The following CNTNAP2 variants were observed in gnomAD, a reference collection of about 807,000 sequenced individuals.
CNTNAP2 encodes contactin associated protein 2.
A neutral mutation model predicts 155.2 loss-of-function variants in CNTNAP2; 98 were observed. The ratio of observed to expected loss-of-function variants is 0.63; its 90% CI spans 0.54 to 0.75. CNTNAP2 has a LOEUF of 0.75. Ranked by LOEUF, CNTNAP2 falls within the 30% of genes least tolerant of loss-of-function variation. CNTNAP2 has a pLI of 0.00. For missense variants in CNTNAP2, 1,727 were observed against 1,688.1 expected (o/e 1.02, Z -0.40); for synonymous variants, 651 against 631.2 (o/e 1.03, Z -0.47).
At chr7:148,178,388 A>T (rs1794982658) in intron 18 of CNTNAP2, among the ~76,000 whole-genome samples, 2 of 152,220 alleles carry the variant, frequency 1.3e-5, no homozygotes, top group African/African-American at 4.8e-5. Context: ...AAGTCACAGG[A>T]TTACTGAGTG....
At chr7:146,499,844 A>G (rs1797274722) in intron 1 of CNTNAP2, among the ~76,000 whole-genome samples, 1 of 152,176 alleles carries the variant, frequency 6.6e-6, no homozygotes, top group South Asian at 2.1e-4. Context: ...TACAATCCAT[A>G]AACACTGAAT....
At chr7:146,484,750 A>G (rs1476367971) in intron 1 of CNTNAP2, among the ~76,000 whole-genome samples, 5 of 152,164 alleles carry the variant, frequency 3.3e-5, no homozygotes, top group Non-Finnish European at 7.3e-5. Context: ...TTATTGCTAC[A>G]CCCCATGATT....
chr7:148,366,096 A>G lies in CNTNAP2; in HGVS notation c.3476-17553A>G, dbSNP rs551253849. Among the ~76,000 whole-genome samples the G allele has an allele frequency of 1.4e-3, 35 of 25,886 alleles. 17 individuals are homozygous for G. The highest frequency in any genetic ancestry group is 2.8e-3 in the African/African-American group (35 of 12,352). The allele number at this position is 25,886 out of a possible 152,430, so 17.0% of individuals were successfully genotyped here. ...TGTATGTGTGTGCATGTATACATGT[A>G]TGTGTATGCATGTATGCATGTATGT... On this transcript the variant is annotated intron_variant, in intron 21 of 23. Transcript: ENST00000361727.
chr7:147,661,319 T>C (rs796661203), intron 13 of CNTNAP2, among the ~76,000 whole-genome samples: 1 of 152,298 alleles, frequency 6.6e-6, no homozygotes, highest in South Asian at 2.1e-4. Context: ...TGCATTTTTA[T>C]TTCTGAAAAT....
chr7:146,762,165 GAA>G (rs1390511607), intron 1 of CNTNAP2, among the ~76,000 whole-genome samples: 2 of 152,108 alleles, frequency 1.3e-5, no homozygotes, highest in African/African-American at 4.8e-5. Flanking sequence ...CCCTTATATA[GAA>G]ATTTTAATAG....
At chr7:147,439,559 C>T (rs942180400) in intron 10 of CNTNAP2, among the ~76,000 whole-genome samples, 6 of 151,664 alleles carry the variant, frequency 4.0e-5, no homozygotes, top group African/African-American at 9.7e-5. Context: ...ATTCTGTAGC[C>T]GTTGGATGAA....
rs554496503 is a variant in CNTNAP2 at position 147,163,214 on chromosome 7, C to T, written c.1348+30705C>T. Among the ~76,000 whole-genome samples the T allele has an allele frequency of 6.6e-5, 10 of 152,182 alleles. No homozygotes were observed. The South Asian group carries it at 1.9e-3, about 28-fold the overall frequency. On this transcript the variant is annotated intron_variant, in intron 8 of 23. Coordinates refer to ENST00000361727, the MANE Select transcript of CNTNAP2 (RefSeq NM_014141.6). ...AGACAGAGGACAATGAGTCTCATGT[C>T]AGAAAACTCAGAAAGGAATGGATGG...
intron 1 of CNTNAP2, among the ~76,000 whole-genome samples, chr7:146,219,363 A>G (rs1403500761): frequency 1.3e-5 from 2 of 152,228 alleles, no homozygotes; most frequent in Non-Finnish European, 2.9e-5. Context: ...TACGATTAAT[A>G]ACATAAAAAT....
At chr7:147,257,397 G>C (rs1402531000) in intron 8 of CNTNAP2, among the ~76,000 whole-genome samples, 1 of 152,182 alleles carries the variant, frequency 6.6e-6, no homozygotes, top group African/African-American at 2.4e-5. Flanking sequence ...AATCTAATCA[G>C]ATAACCTAGG....
intron 13 of CNTNAP2, among the ~76,000 whole-genome samples, chr7:147,865,389 T>C (rs1372837387): frequency 6.6e-6 from 1 of 152,110 alleles, no homozygotes; most frequent in Non-Finnish European, 1.5e-5. Flanking sequence ...TAAAATTCTC[T>C]TTTTTTGTTG....
chr7:147,047,050 A>T (rs544207980), intron 4 of CNTNAP2, among the ~76,000 whole-genome samples: 5 of 147,912 alleles, frequency 3.4e-5, no homozygotes, highest in African/African-American at 1.2e-4. Flanking sequence ...AAAAAAAAAA[A>T]GTGTAGCCAT....
At chr7:148,095,505 G>A (rs1803945853) in intron 15 of CNTNAP2, among the ~76,000 whole-genome samples, 1 of 152,228 alleles carries the variant, frequency 6.6e-6, no homozygotes, top group African/African-American at 2.4e-5. Context: ...CAGAGCTTCT[G>A]TAGAAAAGAT....
At chr7:147,415,445 T>A (rs776801771) in intron 10 of CNTNAP2, among the ~76,000 whole-genome samples, 6 of 152,208 alleles carry the variant, frequency 3.9e-5, no homozygotes, top group Non-Finnish European at 7.3e-5. Flanking sequence ...CATGCTGTTC[T>A]TGATAGTGAG....
chr7:148,279,939 G>A (rs1796942417), intron 21 of CNTNAP2, among the ~76,000 whole-genome samples: 1 of 152,150 alleles, frequency 6.6e-6, no homozygotes, highest in African/African-American at 2.4e-5. Context: ...TTACAATTGA[G>A]GACAGATTAG....
intron 8 of CNTNAP2, among the ~76,000 whole-genome samples, chr7:147,202,859 A>AAAT (rs1802950400): frequency 6.7e-6 from 1 of 149,808 alleles, no homozygotes. Context: ...ATTAAAAAAA[A>AAAT]ATATATATAT....
At chr7:146,791,583 T>C (rs1340771249) in intron 2 of CNTNAP2, among the ~76,000 whole-genome samples, 2 of 152,292 alleles carry the variant, frequency 1.3e-5, no homozygotes, top group South Asian at 2.1e-4. Flanking sequence ...ACACAGTCAG[T>C]GGTTATGACA....
chr7:147,239,303 C>T (rs566529189), intron 8 of CNTNAP2, among the ~76,000 whole-genome samples: 59 of 151,756 alleles, frequency 3.9e-4, no homozygotes, highest in African/African-American at 1.3e-3. Flanking sequence ...GTCAGGAGTT[C>T]GAGACCAGCC....
chr7:146,628,702 A>AG (rs1799461459), intron 1 of CNTNAP2, among the ~76,000 whole-genome samples: 1 of 152,136 alleles, frequency 6.6e-6, no homozygotes, highest in African/African-American at 2.4e-5. Context: ...TTACATTCAT[A>AG]GGATAGTATT....
intron 1 of CNTNAP2, among the ~76,000 whole-genome samples, chr7:146,126,953 G>C (rs1220807318): frequency 6.6e-6 from 1 of 152,042 alleles, no homozygotes; most frequent in African/African-American, 2.4e-5. Context: ...ATGTCTCCCG[G>C]ATTCTAATCT....
Sources: gnomAD v4.1 joint callset for allele counts (sites outside exome capture counted in the v4.1 genomes callset) on GRCh38, gnomAD v4.1.1 for gene constraint, MANE v1.5 for transcripts, NCBI Gene and HGNC (gene_info 2026-07-23, HGNC 2026-07-21) for gene names.